CASK: variants seen among roughly 807,000 people sequenced by gnomAD.
CASK encodes calcium/calmodulin dependent serine protein kinase.
CASK carries 4 observed loss-of-function variants against 82.9 expected under a neutral mutation model. The ratio of observed to expected loss-of-function variants is 0.05; its 90% CI spans 0.02 to 0.11. The LOEUF is 0.11. Among genes scored for constraint, CASK ranks in the 10% least tolerant of loss-of-function variants. The pLI is 1.00. For synonymous variants in CASK, 259 were observed against 253.5 expected, an observed-to-expected ratio of 1.02 and a Z score of -0.20; for missense variants, 358 against 720.9, an observed-to-expected ratio of 0.50 and a Z score of 5.76.
chrX:41,821,166 A>G (rs1362871439), intron 2 of CASK, among the ~76,000 whole-genome samples: 5 of 111,767 alleles, frequency 4.5e-5, no homozygotes, highest in African/African-American at 1.6e-4. Flanking sequence ...GGGAAAACAT[A>G]TTTGCAATAT....
intron 12 of CASK, among the ~76,000 whole-genome samples, chrX:41,598,868 TA>T (rs1364620690): frequency 8.9e-6 from 1 of 112,112 alleles, no homozygotes; most frequent in Non-Finnish European, 1.9e-5. Flanking sequence ...TTATTTTAAA[TA>T]GTTGAAAGCA....
At chrX:41,870,956 G>A (rs901816827) in intron 1 of CASK, among the ~76,000 whole-genome samples, 1 of 112,288 alleles carries the variant, frequency 8.9e-6, no homozygotes, top group African/African-American at 3.2e-5. Context: ...TAGGTCAGGA[G>A]TCCAGGTGTC....
chrX:41,831,378 T>C (rs986574977), intron 2 of CASK, among the ~76,000 whole-genome samples: 1 of 112,175 alleles, frequency 8.9e-6, no homozygotes, highest in Non-Finnish European at 1.9e-5. Flanking sequence ...TTGCAAAATG[T>C]AGATAAAGTA....
At chrX:41,765,205 G>A (rs2069087629) in intron 3 of CASK, among the ~76,000 whole-genome samples, 1 of 111,712 alleles carries the variant, frequency 9.0e-6, no homozygotes, top group Non-Finnish European at 1.9e-5. Flanking sequence ...ATATAAATGA[G>A]GGCCATAAAA....
chrX:41,570,209 T>G (rs956661965), intron 15 of CASK, among the ~76,000 whole-genome samples: 1 of 109,066 alleles, frequency 9.2e-6, no homozygotes, highest in Non-Finnish European at 1.9e-5. Flanking sequence ...AGGAAAGAGA[T>G]GGTTCACTAT....
intron 17 of CASK, 125 bp from the exon 18 acceptor site, chrX:41,559,972 G>A (rs1034039140): frequency 4.7e-5 from 26 of 551,643 alleles, no homozygotes; most frequent in South Asian, 1.6e-4. Flanking sequence ...GCACATAGCC[G>A]GAAAATGAAA....
chrX:41,680,396 C>T (rs1004630731), intron 5 of CASK, among the ~76,000 whole-genome samples: 3 of 108,818 alleles, frequency 2.8e-5, no homozygotes, highest in Non-Finnish European at 3.8e-5. Flanking sequence ...GCAGGAGAAT[C>T]GCTTGAACCC....
chrX:41,724,250 T>C (rs2068216068), intron 5 of CASK: 1 of 112,871 alleles, frequency 8.9e-6, no homozygotes, highest in Admixed American at 9.4e-5. Flanking sequence ...ATCACTGCCC[T>C]GAACAATATA....
At chrX:41,620,840 C>T (rs904135124) in intron 11 of CASK, among the ~76,000 whole-genome samples, 3 of 112,161 alleles carry the variant, frequency 2.7e-5, no homozygotes, top group East Asian at 2.8e-4. Flanking sequence ...TTAGATTCTC[C>T]ATATGTGGAT....
intron 16 of CASK, among the ~76,000 whole-genome samples, chrX:41,565,421 AG>A (rs2065297004): frequency 1.8e-5 from 2 of 112,182 alleles, no homozygotes; most frequent in Non-Finnish European, 3.8e-5. Flanking sequence ...CCGATCCCAC[AG>A]AAATACAAAC....
At chrX:41,738,965 C>A (rs1447493618) in intron 5 of CASK, among the ~76,000 whole-genome samples, 2 of 112,058 alleles carry the variant, frequency 1.8e-5, no homozygotes, top group Admixed American at 1.9e-4. Flanking sequence ...TAAAAACTAT[C>A]TGCAAAAAAA....
At chrX:41,652,666 C>T (rs1319158356) in intron 8 of CASK, among the ~76,000 whole-genome samples, 1 of 111,511 alleles carries the variant, frequency 9.0e-6, no homozygotes, top group African/African-American at 3.3e-5. Context: ...TCCATAGAAA[C>T]CCAAAAGGAC....
rs1474075126 is a variant in CASK at position 41,846,587 on chromosome X, TAACTG to T, written c.172+6523_172+6527del. Among the ~76,000 whole-genome samples the T allele has an allele frequency of 5.4e-5, 6 of 111,538 alleles. No homozygotes were observed. The Admixed American group carries it at 5.7e-4, about 11-fold the overall frequency. ...AATAATTTAATTGTACATTTTAAAA[TAACTG>T]AAAGAATATAACTGGATTGTTTGTA... On this transcript the variant is annotated intron_variant, in intron 2 of 26. Transcript: ENST00000378163.
chrX:41,580,175 C>G (rs941428633), intron 14 of CASK, among the ~76,000 whole-genome samples: 1 of 112,099 alleles, frequency 8.9e-6, no homozygotes, highest in Non-Finnish European at 1.9e-5. Flanking sequence ...ACATAAGAAA[C>G]CAAGATTTAG....
At chrX:41,522,325 C>T (rs1226614929) in intron 26 of CASK, 1 of 111,919 alleles carries the variant, frequency 8.9e-6, no homozygotes, top group East Asian at 2.8e-4. Flanking sequence ...TCTCTCAGGG[C>T]ACTCTGAACC....
In CASK at chrX:41,515,688, T is replaced by C. The variant is rs1008682066; in HGVS notation, c.*4732A>G. Reference sequence around the variant, plus strand: ...CCCCCAATTCTTGGTCTCTTCCAAATAAAAAAAAAATAGGGGGAGCCACTC... The same window carrying C: ...CCCCCAATTCTTGGTCTCTTCCAAACAAAAAAAAAATAGGGGGAGCCACTC... On this transcript the variant is annotated 3_prime_UTR_variant, in exon 27 of 27. Transcript: ENST00000378163. The C allele has an allele frequency of 9.4e-6, 1 of 106,470 alleles. No homozygotes were observed. The highest frequency in any genetic ancestry group is 3.4e-5 in the African/African-American group (1 of 29,421). 8.8% of individuals were successfully genotyped at this position (106,470 alleles called of 1,213,427 possible). A position where few individuals can be genotyped will look rare whatever the true frequency, so the allele number is the denominator to read the frequency against.
chrX:41,619,204 C>A (rs2066250393), intron 11 of CASK, among the ~76,000 whole-genome samples: 1 of 111,515 alleles, frequency 9.0e-6, no homozygotes, highest in African/African-American at 3.3e-5. Context: ...CATTCATGAA[C>A]TTATTAGATA....
chrX:41,540,033 A>T (rs2147106641), intron 22 of CASK, among the ~76,000 whole-genome samples: 1 of 112,284 alleles, frequency 8.9e-6, no homozygotes, highest in Admixed American at 9.4e-5. Flanking sequence ...AAAGACACTT[A>T]AGGGGCTCTG....
At chrX:41,612,543 C>A (rs1320257346) in intron 11 of CASK, among the ~76,000 whole-genome samples, 8 of 106,804 alleles carry the variant, frequency 7.5e-5, no homozygotes, top group Non-Finnish European at 1.6e-4. Context: ...GTCAGCCCCC[C>A]GCCCGGCCAG....
Sources: gnomAD v4.1 joint callset for allele counts (sites outside exome capture counted in the v4.1 genomes callset) on GRCh38, gnomAD v4.1.1 for gene constraint, MANE v1.5 for transcripts, NCBI Gene and HGNC (gene_info 2026-07-23, HGNC 2026-07-21) for gene names.